Variants in CENATAC observed in about 807,000 individuals in gnomAD.
The protein encoded by CENATAC is coiled-coil domain containing 84.
Under a neutral mutation model 53.7 loss-of-function variants are expected in CENATAC, and 53 were observed. The ratio of observed to expected loss-of-function variants is 0.99; its 90% CI spans 0.79 to 1.24. CENATAC has a LOEUF of 1.24. CENATAC is among the 50% of genes most tolerant of loss of function. CENATAC has a pLI of 0.00. For synonymous variants in CENATAC, 156 were observed against 144.6 expected (o/e 1.08, Z -0.57); for missense variants, 474 against 417.8 (o/e 1.13, Z -1.17).
chr11:119,006,452 G>A (rs1173490512), intron 3 of CENATAC, among the ~76,000 whole-genome samples: 1 of 152,106 alleles, frequency 6.6e-6, no homozygotes, highest in Non-Finnish European at 1.5e-5. Flanking sequence ...TAGCCAGGAT[G>A]GTCTTGATCT....
intron 3 of CENATAC, chr11:119,003,784 A>T (rs1383654196): frequency 6.4e-6 from 1 of 156,326 alleles, no homozygotes; most frequent in Non-Finnish European, 1.4e-5. Flanking sequence ...ACACCTGGCT[A>T]ATTTTTGTAA....
At position 119,015,519 on chromosome 11, in the gene CENATAC, A is replaced by T; in HGVS notation, c.939-19A>T. On this transcript the variant is annotated intron_variant, in intron 10 of 10. Coordinates refer to ENST00000334418, the MANE Select transcript of CENATAC (RefSeq NM_198489.3). The stretch of plus-strand genomic sequence containing the variant: ...GATGTCACCCTTCATCATCGTGTTA[A>T]CCCTTTATTTCCTTTCAGACATCAA... 2 of 1,614,064 alleles carry T rather than the reference A, an allele frequency of 1.2e-6. No individual in the cohort carries two copies. Among genetic ancestry groups the T allele is most frequent in the Non-Finnish European group, 1.7e-6 (2 of 1,180,014 alleles).
At chr11:119,013,028 CTG>C (rs1176974346) in intron 7 of CENATAC, 3 of 503,268 alleles carry the variant, frequency 6.0e-6, no homozygotes. Context: ...ACTGTTATGA[CTG>C]TGAGCTTCCT....
In CENATAC at chr11:118,998,469, G is replaced by C; in HGVS notation, c.160G>C (p.Glu54Gln). 2 of 1,613,202 alleles carry C rather than the reference G, an allele frequency of 1.2e-6. No homozygotes were observed. The highest frequency in any genetic ancestry group is 1.7e-6 in the Non-Finnish European group (2 of 1,179,862). The change falls in exon 2 of 11, where the codon GAG becomes CAG. Residue 54 changes from glutamate (E) to glutamine (Q), a missense_variant. Transcript: ENST00000334418. ...CAAGGCCATCCGCGCCGCTCAGGTG[G>C]AGCGCTATGTGCCCGAACACGAGCG... ...ARKAIRAAQV[E>Q]RYVPEHERCC...
chr11:119,015,716 A>C lies in CENATAC; in HGVS notation c.*118A>C. ...GGAAACAGACATACTCATTCATTTG[A>C]TTTAATAAAGTTTTATTTTTCCAAA... is the stretch of plus-strand genomic sequence containing the variant. On this transcript the variant is annotated 3_prime_UTR_variant, in exon 11 of 11. Transcript: ENST00000334418. 1 of 1,301,756 alleles carries C rather than the reference A, an allele frequency of 7.7e-7. No homozygotes were observed. Among genetic ancestry groups the C allele is most frequent in the African/African-American group, 1.5e-5 (1 of 67,522 alleles). 80.6% of individuals were successfully genotyped at this position (1,301,756 alleles called of 1,614,324 possible). A position where few individuals can be genotyped will look rare whatever the true frequency, so the allele number is the denominator to read the frequency against.
In CENATAC at chr11:119,012,152, A is replaced by G. The variant is rs782448786; in HGVS notation, c.582A>G (p.Gln194=). Residue 194 remains glutamine, a synonymous_variant, in exon 7 of 11, where the codon CAA becomes CAG. Transcript: ENST00000334418. ...CAGCCTGGCTCATGTTTTTCAGCCA[A>G]GTAGCTTCCAGCTTACAGCAGCCCT... The part of the protein sequence containing the change: ...APRSWKGMNS[Q]VASSLQQPSN... 5 of 1,614,072 alleles carry G rather than the reference A, an allele frequency of 3.1e-6. No individual in the cohort carries two copies. The African/African-American group carries it at 5.3e-5, about 17-fold the overall frequency.
chr11:119,008,576 G>A (rs1326851274), intron 3 of CENATAC, among the ~76,000 whole-genome samples: 4 of 152,038 alleles, frequency 2.6e-5, no homozygotes, highest in African/African-American at 7.3e-5. Flanking sequence ...CGGGTTTTAA[G>A]CCGAGACATT....
chr11:118,998,869 G>A, intron 2 of CENATAC, 142 bp from the exon 3 acceptor site: 1 of 711,044 alleles, frequency 1.4e-6, no homozygotes, highest in Non-Finnish European at 2.3e-6. Flanking sequence ...ACGAGATCTT[G>A]AAGAGATGGT....
chr11:119,006,178 C>T (rs1403108779), intron 3 of CENATAC, among the ~76,000 whole-genome samples: 1 of 147,692 alleles, frequency 6.8e-6, no homozygotes, highest in Non-Finnish European at 1.5e-5. Context: ...CCTCTGCCTC[C>T]CAGGTTCAAG....
intron 3 of CENATAC, among the ~76,000 whole-genome samples, chr11:119,005,126 C>T (rs868315825): frequency 5.9e-5 from 9 of 151,772 alleles, no homozygotes; most frequent in Admixed American, 1.3e-4. Flanking sequence ...GAAGAAAACA[C>T]GGAGGAGTCT....
At chr11:119,000,468 A>G (rs2134519822) in intron 3 of CENATAC, among the ~76,000 whole-genome samples, 1 of 126,850 alleles carries the variant, frequency 7.9e-6, no homozygotes, top group African/African-American at 2.9e-5. Context: ...AGTGTTCCTT[A>G]GGCTGGATTT....
At chr11:119,009,478 GA>G (rs2134556785) in intron 3 of CENATAC, 1 of 150,738 alleles carries the variant, frequency 6.6e-6, no homozygotes, top group East Asian at 2.0e-4. Flanking sequence ...TTTAATCTGA[GA>G]GGGGTGGAAC....
chr11:119,013,565 G>GC (rs1942982629), intron 8 of CENATAC, among the ~76,000 whole-genome samples: 1 of 150,228 alleles, frequency 6.7e-6, no homozygotes, highest in Non-Finnish European at 1.5e-5. Flanking sequence ...CCGGGTTCAC[G>GC]CCATTCTCCT....
chr11:119,013,063 G>T, intron 7 of CENATAC, 169 bp from the exon 8 acceptor site: 1 of 573,438 alleles, frequency 1.7e-6, no homozygotes. Context: ...GTCTTAGAGT[G>T]ACTTACTGTG....
At chr11:119,000,949 C>T (rs1026717853) in intron 3 of CENATAC, among the ~76,000 whole-genome samples, 5 of 152,008 alleles carry the variant, frequency 3.3e-5, no homozygotes, top group Non-Finnish European at 7.4e-5. Context: ...TCTTGAAATG[C>T]TGGGCAACTG....
At chr11:118,999,629 T>TTG (rs144608009) in intron 3 of CENATAC, among the ~76,000 whole-genome samples, 3,241 of 152,174 alleles carry the variant, frequency 0.021, 108 homozygotes, top group African/African-American at 0.074. Context: ...TGGCTAATTT[T>TTG]TGTTTTTACG....
intron 3 of CENATAC, 35 bp from the exon 4 acceptor site, chr11:119,010,729 T>C (rs1362707071): frequency 1.9e-6 from 3 of 1,591,034 alleles, no homozygotes; most frequent in East Asian, 4.5e-5. Flanking sequence ...TGGTGGGGAA[T>C]GGGTTCTGGG....
intron 9 of CENATAC, 54 bp from the exon 10 acceptor site, chr11:119,015,240 ACATAGTGAGACCC>A: frequency 6.6e-7 from 1 of 1,519,414 alleles, no homozygotes. Flanking sequence ...AGCCTGGACA[ACATAGTGAGACCC>A]CATCTCTATA....
chr11:119,015,576 A>AGTCACATACAGAAAAAAGCT lies in CENATAC; in HGVS notation c.978_997dup (p.Ter333CysfsTer16), dbSNP rs781792161. On this transcript the variant is annotated frameshift_variant, in exon 11 of 11. Coordinates refer to ENST00000334418, the MANE Select transcript of CENATAC (RefSeq NM_198489.3). LOFTEE classifies it high-confidence loss of function. ...ACTGAAGCTGCAGCAATGAAGAAGCAGTCACATACAGAAAAAAGCTAATCA... is the reference window on the plus strand; with the variant it reads ...ACTGAAGCTGCAGCAATGAAGAAGCAGTCACATACAGAAAAAAGCTGTCACATACAGAAAAAAGCTAATCA... 51 of 1,614,078 alleles carry AGTCACATACAGAAAAAAGCT rather than the reference A, an allele frequency of 3.2e-5. 1 individual carries two copies. The highest frequency in any genetic ancestry group is 4.3e-5 in the Non-Finnish European group (51 of 1,180,052).
Sources: gnomAD v4.1 joint callset for allele counts (sites outside exome capture counted in the v4.1 genomes callset) on GRCh38, gnomAD v4.1.1 for gene constraint, MANE v1.5 for transcripts, NCBI Gene and HGNC (gene_info 2026-07-23, HGNC 2026-07-21) for gene names.